The following CEP350 variants were observed in gnomAD, a reference collection of about 807,000 sequenced individuals.
CEP350 encodes centrosome-associated protein 350.
CEP350 carries 126 observed loss-of-function variants against 331.8 expected under a neutral mutation model. The observed-to-expected ratio is 0.38, with a 90% CI of 0.33 to 0.44. The LOEUF is 0.44. Among genes scored for constraint, CEP350 ranks in the 20% least tolerant of loss-of-function variants. CEP350 has a pLI of 1.00. For missense variants in CEP350, 3,406 were observed against 3,634.6 expected, an observed-to-expected ratio of 0.94 and a Z score of 1.62; for synonymous variants, 1,200 against 1,259.5, an observed-to-expected ratio of 0.95 and a Z score of 1.00.
rs528500177 is a variant in CEP350, at chr1:180,044,576, G to T, written c.4622+403G>T. Among the ~76,000 whole-genome samples the T allele has an allele frequency of 2.8e-4, 41 of 146,984 alleles. 1 individual carries two copies. The South Asian group carries it at 8.8e-3, about 31-fold the overall frequency. On this transcript the variant is annotated intron_variant, in intron 21 of 37. Coordinates refer to ENST00000367607, the MANE Select transcript of CEP350 (RefSeq NM_014810.5). ...ATCATTCTCAGCAAACTATCACAAGGACAAAAAACCAAACACCGCATGTTC... is the reference window on the plus strand; with the variant it reads ...ATCATTCTCAGCAAACTATCACAAGTACAAAAAACCAAACACCGCATGTTC...
intron 21 of CEP350, among the ~76,000 whole-genome samples, chr1:180,046,572 T>A (rs1366121410): frequency 6.6e-6 from 1 of 152,264 alleles, no homozygotes; most frequent in Non-Finnish European, 1.5e-5. Flanking sequence ...GGATATGTTT[T>A]CATTTCTCTT....
At chr1:180,078,107 T>G (rs914857051) in intron 28 of CEP350, among the ~76,000 whole-genome samples, 2 of 151,454 alleles carry the variant, frequency 1.3e-5, no homozygotes, top group Non-Finnish European at 2.9e-5. Flanking sequence ...CACCCCACCC[T>G]GGGCAACAAG....
intron 1 of CEP350, among the ~76,000 whole-genome samples, chr1:179,980,286 T>C (rs1652177960): frequency 6.6e-6 from 1 of 151,846 alleles, no homozygotes; most frequent in South Asian, 2.1e-4. Context: ...ATTTTTTTTT[T>C]CTTTTTTTTT....
intron 1 of CEP350, among the ~76,000 whole-genome samples, chr1:179,965,100 T>A (rs1004810200): frequency 6.6e-6 from 1 of 152,150 alleles, no homozygotes; most frequent in Non-Finnish European, 1.5e-5. Flanking sequence ...TATGTTTGTT[T>A]CTCTATTTTC....
At chr1:180,090,886 T>A (rs1409759943) in intron 33 of CEP350, 90 bp downstream of exon 33, 10 of 1,097,622 alleles carry the variant, frequency 9.1e-6, no homozygotes, top group Non-Finnish European at 1.1e-5. Context: ...ATAGCTTTTT[T>A]ATTAAAAAGT....
chr1:179,957,305 G>A (rs1421410779), intron 1 of CEP350, among the ~76,000 whole-genome samples: 3 of 152,074 alleles, frequency 2.0e-5, no homozygotes, highest in Non-Finnish European at 2.9e-5. Flanking sequence ...TTAATTCTCT[G>A]CATATAATTG....
rs764473618 is a variant in CEP350 at position 180,014,030 on chromosome 1, T to C, written c.1577T>C (p.Ile526Thr). Reference sequence around the variant, plus strand: ...GCCTTAAATAAGGACTTTTTACCTATTGAAATTCGTGGCATTCTTGATGAC... The same window carrying C: ...GCCTTAAATAAGGACTTTTTACCTACTGAAATTCGTGGCATTCTTGATGAC... Reference protein sequence around the residue: ...NTALNKDFLPIEIRGILDDLQ... With the variant: ...NTALNKDFLPTEIRGILDDLQ... Residue 526 changes from isoleucine to threonine, a missense_variant, in exon 10 of 38, where the codon ATT becomes ACT. Around this residue, in one of 5 missense-constraint regions of CEP350, gnomAD observed 1,857 missense variants for 1,909.2 expected, o/e 0.97. Coordinates refer to ENST00000367607, the MANE Select transcript of CEP350 (RefSeq NM_014810.5). The C allele has an allele frequency of 6.2e-7, 1 of 1,613,368 alleles. No homozygotes were observed. Among genetic ancestry groups the C allele is most frequent in the Non-Finnish European group, 8.5e-7 (1 of 1,179,598 alleles).
chr1:180,042,058 T>C (rs1420552544), intron 19 of CEP350, among the ~76,000 whole-genome samples: 1 of 151,994 alleles, frequency 6.6e-6, no homozygotes, highest in Non-Finnish European at 1.5e-5. Context: ...TAGAAAAATA[T>C]CAACTTTATT....
intron 5 of CEP350, among the ~76,000 whole-genome samples, chr1:179,995,777 C>T (rs571826903): frequency 6.7e-4 from 102 of 152,266 alleles, no homozygotes; most frequent in Non-Finnish European, 1.1e-3. Context: ...TTTCTAGATA[C>T]GCTTTACAAA....
intron 31 of CEP350, chr1:180,086,043 T>C (rs1348301341): frequency 6.6e-6 from 1 of 152,260 alleles, no homozygotes; most frequent in Non-Finnish European, 1.5e-5. Context: ...AATCTAGCTC[T>C]AATTTTAAAT....
chr1:180,037,068 G>T lies in CEP350; in HGVS notation c.4089G>T (p.Val1363=). 2 of 1,601,716 alleles carry T rather than the reference G, an allele frequency of 1.2e-6. No individual in the cohort carries two copies. The highest frequency in any genetic ancestry group is 1.7e-6 in the Non-Finnish European group (2 of 1,174,436). The change falls in exon 17 of 38, where the codon GTG becomes GTT. Residue 1363 remains valine (V), a synonymous_variant. Transcript: ENST00000367607. ...RGISLAQQES[V]SLAQIIKAQQ... ...TTTCACTTGCTCAGCAGGAGAGTGTGTCTCTAGCTCAGATAATAAAGGTAT... is the reference window on the plus strand; with the variant it reads ...TTTCACTTGCTCAGCAGGAGAGTGTTTCTCTAGCTCAGATAATAAAGGTAT...
intron 34 of CEP350, chr1:180,095,048 C>G (rs1660404015): frequency 5.6e-6 from 1 of 177,940 alleles, no homozygotes; most frequent in Non-Finnish European, 1.2e-5. Context: ...CATGGTTGGC[C>G]TGCAGAGGTT....
At chr1:179,999,214 C>T (rs1333091041) in intron 6 of CEP350, among the ~76,000 whole-genome samples, 1 of 151,946 alleles carries the variant, frequency 6.6e-6, no homozygotes, top group Non-Finnish European at 1.5e-5. Flanking sequence ...TAAAATGTTC[C>T]ATTTGAATTC....
At chr1:180,087,432 A>G (rs193220071) in intron 31 of CEP350, 146 bp from the exon 32 acceptor site, 5 of 631,534 alleles carry the variant, frequency 7.9e-6, no homozygotes, top group Non-Finnish European at 1.3e-5. Flanking sequence ...GTTCTGGAGA[A>G]TGATGCTGAG....
At chr1:180,070,205 T>C (rs114683867) in intron 27 of CEP350, among the ~76,000 whole-genome samples, 187 of 152,334 alleles carry the variant, frequency 1.2e-3, no homozygotes, top group Non-Finnish European at 2.5e-3. Context: ...TAAACAAATA[T>C]AGAACTGTAA....
chr1:180,015,853 A>G lies in CEP350; in HGVS notation c.2057A>G (p.Lys686Arg). The G allele has an allele frequency of 6.2e-7, 1 of 1,613,504 alleles. No individual in the cohort carries two copies. The highest frequency in any genetic ancestry group is 1.3e-5 in the African/African-American group (1 of 75,044). ...HQHVTQETQA[K>R]PGYQPSGESD... ...TTTGATGTCCTTTTCTCCTAGGCCA[A>G]ACCAGGGTATCAGCCATCTGGAGAA... Residue 686 changes from lysine (K) to arginine (R), a missense_variant, in exon 11 of 38, where the codon AAA (lysine) becomes AGA (arginine). Transcript: ENST00000367607.
intron 28 of CEP350, among the ~76,000 whole-genome samples, chr1:180,077,379 T>TAAAG (rs3067268): frequency 0.72 from 108,955 of 151,436 alleles, 40,238 homozygotes; most frequent in Admixed American, 0.8. Context: ...TAGGAGACAT[T>TAAAG]AAAACCAAAA....
chr1:180,110,273 C>A (rs185639131), intron 37 of CEP350, among the ~76,000 whole-genome samples: 2 of 152,270 alleles, frequency 1.3e-5, no homozygotes, highest in East Asian at 3.9e-4. Flanking sequence ...GTTCGACTTA[C>A]TGTTTTTCAA....
chr1:180,020,643 G>A lies in CEP350; in HGVS notation c.2869G>A (p.Asp957Asn), dbSNP rs1335226829. 1.2e-6 allele frequency: 2 copies of A among 1,613,942 alleles called. No individual in the cohort carries two copies. The highest frequency in any genetic ancestry group is 1.7e-6 in the Non-Finnish European group (2 of 1,179,892). Residue 957 changes from aspartate to asparagine, a missense_variant, in exon 12 of 38, where the codon GAC (aspartate) becomes AAC (asparagine). Physicochemically the swap from Asp to Asn is conservative, Grantham distance 23. This residue lies in a region of CEP350 where 1,857 missense variants were observed against 1,909.2 expected (regional missense o/e 0.97). Transcript: ENST00000367607. ...GGCACAGTTATGTAAAAGGCAGACT[G>A]ACTCTTCTAGCTCTGATATGCAAGC... ...LLAQLCKRQT[D>N]SSSSDMQACS...
Sources: allele counts gnomAD v4.1 joint callset (sites outside exome capture counted in the v4.1 genomes callset), GRCh38; gene constraint gnomAD v4.1.1; regional missense constraint gnomAD v4.1.1; transcripts MANE v1.5; gene names NCBI Gene and HGNC (gene_info 2026-07-23, HGNC 2026-07-21).